JPH3: variants seen among roughly 807,000 people sequenced by gnomAD.
JPH3 encodes junctophilin-3.
JPH3 carries 11 observed loss-of-function variants against 59.6 expected under a neutral mutation model. That is an observed-to-expected ratio of 0.18 (90% confidence interval 0.12 to 0.31). The LOEUF is 0.31. Ranked by LOEUF, JPH3 falls within the 10% of genes least tolerant of loss-of-function variation. The pLI, the probability that JPH3 is intolerant of heterozygous loss-of-function variation, is 1.00. For missense variants in JPH3, 1,202 were observed against 1,105.7 expected (o/e 1.09, Z -1.24); for synonymous variants, 673 against 483.6 (o/e 1.39, Z -5.14).
At chr16:87,614,540 G>A (rs902433956) in intron 1 of JPH3, among the ~76,000 whole-genome samples, 13 of 150,546 alleles carry the variant, frequency 8.6e-5, no homozygotes, top group Middle Eastern at 3.6e-3. Context: ...GAGGAGCTGC[G>A]TGTCCTTTCC....
chr16:87,664,406 C>G (rs983882845), intron 2 of JPH3, among the ~76,000 whole-genome samples: 2 of 150,612 alleles, frequency 1.3e-5, no homozygotes, highest in East Asian at 3.9e-4. Flanking sequence ...GGGTGGATCA[C>G]TTGAGGTCAG....
intron 1 of JPH3, among the ~76,000 whole-genome samples, chr16:87,642,018 G>A (rs555500121): frequency 2.6e-4 from 39 of 152,304 alleles, no homozygotes; most frequent in South Asian, 2.1e-4. Context: ...CATGGGATTC[G>A]ATTGGAGGGT....
intron 1 of JPH3, among the ~76,000 whole-genome samples, chr16:87,617,535 G>T (rs1460776951): frequency 6.6e-6 from 1 of 151,874 alleles, no homozygotes; most frequent in South Asian, 2.1e-4. Flanking sequence ...GGAAATGGGG[G>T]GCCAGAGAGG....
chr16:87,690,944 G>T (rs2033554058), intron 4 of JPH3, among the ~76,000 whole-genome samples: 1 of 152,216 alleles, frequency 6.6e-6, no homozygotes, highest in Non-Finnish European at 1.5e-5. Flanking sequence ...TGGGGGCAAG[G>T]CTGGCCCTGG....
chr16:87,622,692 CT>C (rs1473855932), intron 1 of JPH3, among the ~76,000 whole-genome samples: 1 of 151,806 alleles, frequency 6.6e-6, no homozygotes, highest in Non-Finnish European at 1.5e-5. Context: ...TGCATGGGGT[CT>C]GGGGGAGCCC....
At chr16:87,678,842 G>A (rs892723983) in intron 2 of JPH3, among the ~76,000 whole-genome samples, 13 of 152,210 alleles carry the variant, frequency 8.5e-5, no homozygotes, top group African/African-American at 2.4e-4. Flanking sequence ...AGGCCACCAC[G>A]AGCCTGGGAA....
intron 2 of JPH3, among the ~76,000 whole-genome samples, chr16:87,645,676 G>A (rs1210278875): frequency 2.0e-5 from 3 of 152,178 alleles, no homozygotes; most frequent in African/African-American, 4.8e-5. Flanking sequence ...GGTGACTGTG[G>A]GTGGGATCGA....
At chr16:87,646,873 C>T (rs866787575) in intron 2 of JPH3, among the ~76,000 whole-genome samples, 2 of 152,236 alleles carry the variant, frequency 1.3e-5, no homozygotes, top group East Asian at 3.9e-4. Context: ...AGCCTTGGCA[C>T]TGGGTGGATG....
Position 87,657,541 on chromosome 16 carries a change from G to A in JPH3, c.1160+12506G>A, listed in dbSNP as rs544089208. On this transcript the variant is annotated intron_variant, in intron 2 of 4. Coordinates refer to ENST00000284262, the MANE Select transcript of JPH3 (RefSeq NM_020655.4). ...TGTGAACTTTAAAACTGTTAAAGTGGCAAGTTTTATGTTATATTAAAAAAA... is the reference window on the plus strand; with the variant it reads ...TGTGAACTTTAAAACTGTTAAAGTGACAAGTTTTATGTTATATTAAAAAAA... 4.6e-4 allele frequency among the ~76,000 whole-genome samples: 70 copies of A among 152,296 alleles called. No individual in the cohort carries two copies. The South Asian group carries it at 6.6e-3, about 14-fold the overall frequency.
intron 1 of JPH3, among the ~76,000 whole-genome samples, chr16:87,627,209 C>T (rs975716081): frequency 2.0e-5 from 3 of 152,094 alleles, no homozygotes; most frequent in Non-Finnish European, 4.4e-5. Context: ...GCATTAGGGC[C>T]CCTGGAGGTT....
At chr16:87,667,491 CA>C (rs1424924942) in intron 2 of JPH3, among the ~76,000 whole-genome samples, 1 of 152,228 alleles carries the variant, frequency 6.6e-6, no homozygotes, top group Non-Finnish European at 1.5e-5. Context: ...ACTCCTGCCC[CA>C]CCCTAAGCTG....
chr16:87,665,843 C>T (rs926463054), intron 2 of JPH3, among the ~76,000 whole-genome samples: 1 of 152,198 alleles, frequency 6.6e-6, no homozygotes, highest in African/African-American at 2.4e-5. Context: ...ATGTTCTGTC[C>T]CTGGTTGGAA....
chr16:87,605,886 C>G lies in JPH3; in HGVS notation c.382+2358C>G, dbSNP rs1567578990. 2.0e-5 allele frequency among the ~76,000 whole-genome samples: 3 copies of G among 152,222 alleles called. No homozygotes were observed. The East Asian group carries it at 5.8e-4, about 29-fold the overall frequency. The stretch of plus-strand genomic sequence containing the variant: ...ATGCGGTTCTTAGCTCTCCCATAAG[C>G]AAAGCCAGGCAGGGATGCAGATGGG... On this transcript the variant is annotated intron_variant, in intron 1 of 4. Transcript: ENST00000284262.
chr16:87,625,578 G>A (rs1234496149), intron 1 of JPH3, among the ~76,000 whole-genome samples: 2 of 152,206 alleles, frequency 1.3e-5, no homozygotes, highest in Non-Finnish European at 2.9e-5. Flanking sequence ...CGAGGAGGAG[G>A]AGGAGGACTG....
At chr16:87,622,588 C>T (rs978835629) in intron 1 of JPH3, among the ~76,000 whole-genome samples, 15 of 152,046 alleles carry the variant, frequency 9.9e-5, no homozygotes, top group African/African-American at 9.7e-5. Context: ...CTCCCTTCTG[C>T]GAGGCTGTGG....
chr16:87,635,952 C>G (rs1185391543), intron 1 of JPH3, among the ~76,000 whole-genome samples: 1 of 152,242 alleles, frequency 6.6e-6, no homozygotes, highest in African/African-American at 2.4e-5. Context: ...TCTGGGGTGT[C>G]TTCCGGGGCC....
Position 87,696,755 on chromosome 16 carries a change from A to G in JPH3, c.*95A>G. 2.0e-6 allele frequency: 2 copies of G among 993,778 alleles called. No homozygotes were observed. Among genetic ancestry groups the G allele is most frequent in the Non-Finnish European group, 3.1e-6 (2 of 639,612 alleles). 61.6% of individuals were successfully genotyped at this position (993,778 alleles called of 1,614,324 possible). A position where few individuals can be genotyped will look rare whatever the true frequency, so the allele number is the denominator to read the frequency against. ...CAAGAAGGGAAAGACCGCAACTCGGACAGCCCAGCGACTTCCAAGTCCTCT... is the reference window on the plus strand; with the variant it reads ...CAAGAAGGGAAAGACCGCAACTCGGGCAGCCCAGCGACTTCCAAGTCCTCT... On this transcript the variant is annotated 3_prime_UTR_variant, in exon 5 of 5. Coordinates refer to ENST00000284262, the MANE Select transcript of JPH3 (RefSeq NM_020655.4).
chr16:87,689,379 G>GC (rs1350951258), intron 3 of JPH3, among the ~76,000 whole-genome samples: 2 of 152,172 alleles, frequency 1.3e-5, no homozygotes, highest in African/African-American at 4.8e-5. Context: ...CTCCCTTGTA[G>GC]CCTGGGAGCT....
chr16:87,691,560 C>G (rs1045197782), intron 4 of JPH3, among the ~76,000 whole-genome samples: 3 of 152,110 alleles, frequency 2.0e-5, no homozygotes, highest in African/African-American at 7.2e-5. Context: ...GGTGTCTGTC[C>G]CTGCCCCTGA....
Sources: allele counts gnomAD v4.1 joint callset (sites outside exome capture counted in the v4.1 genomes callset), GRCh38; gene constraint gnomAD v4.1.1; transcripts MANE v1.5; gene names NCBI Gene and HGNC (gene_info 2026-07-23, HGNC 2026-07-21).